The following MALRD1 variants were observed in gnomAD, a reference collection of about 807,000 sequenced individuals.
The protein encoded by MALRD1 is MAM and LDL-receptor class A domain-containing protein 1.
MALRD1 carries 247 observed loss-of-function variants against 242.1 expected under a neutral mutation model. The ratio of observed to expected loss-of-function variants is 1.02; its 90% CI spans 0.92 to 1.13. MALRD1 has a LOEUF of 1.13. MALRD1 is among the 50% of genes most tolerant of loss of function. The pLI, the probability that MALRD1 is intolerant of heterozygous loss-of-function variation, is 0.00. For synonymous variants in MALRD1, 995 were observed against 866.6 expected, an observed-to-expected ratio of 1.15 and a Z score of -2.60; for missense variants, 2,989 against 2,533.1, an observed-to-expected ratio of 1.18 and a Z score of -3.86.
At position 19,609,942 on chromosome 10, in the gene MALRD1, G is replaced by T. The variant is rs183159027; in HGVS notation, c.6070+2040G>T. On this transcript the variant is annotated intron_variant, in intron 35 of 39. Coordinates refer to ENST00000454679, the MANE Select transcript of MALRD1 (RefSeq NM_001142308.3). Reference sequence around the variant, plus strand: ...TATAATACTATACATAATAAATATTGATAATGGTGGTGATTATGATGATGA... The same window carrying T: ...TATAATACTATACATAATAAATATTTATAATGGTGGTGATTATGATGATGA... Among the ~76,000 whole-genome samples, 7 of 151,312 alleles carry T rather than the reference G, an allele frequency of 4.6e-5. No homozygotes were observed. In the East Asian group the frequency reaches 1.4e-3, roughly 29 times the overall value.
chr10:19,596,861 GAGGAAGGA>G (rs993172283), intron 34 of MALRD1, among the ~76,000 whole-genome samples: 1 of 151,282 alleles, frequency 6.6e-6, no homozygotes, highest in Admixed American at 6.6e-5. Context: ...GGACAGAGAG[GAGGAAGGA>G]AGGAAGGAAG....
intron 29 of MALRD1, among the ~76,000 whole-genome samples, chr10:19,454,055 G>A (rs1835483670): frequency 6.6e-6 from 1 of 151,998 alleles, no homozygotes; most frequent in Non-Finnish European, 1.5e-5. Context: ...GTCAGACCCT[G>A]TCTCAAAGAA....
At chr10:19,505,055 A>G (rs1300945347) in intron 31 of MALRD1, among the ~76,000 whole-genome samples, 1 of 152,140 alleles carries the variant, frequency 6.6e-6, no homozygotes, top group African/African-American at 2.4e-5. Context: ...GAAGGAGAAG[A>G]TGAGGGAGGA....
At chr10:19,171,450 A>ACACATG (rs1364921727) in intron 13 of MALRD1, among the ~76,000 whole-genome samples, 6,294 of 94,726 alleles carry the variant, frequency 0.066, 514 homozygotes, top group Non-Finnish European at 0.11. Flanking sequence ...ATATATATAT[A>ACACATG]TATATATACA....
intron 28 of MALRD1, among the ~76,000 whole-genome samples, chr10:19,433,586 T>C (rs2993646): frequency 0.5 from 76,285 of 151,976 alleles, 20,580 homozygotes; most frequent in Non-Finnish European, 0.61. Context: ...CTTTAGGACA[T>C]TGTGAAAAGT....
chr10:19,532,291 G>T (rs192374112), intron 32 of MALRD1, among the ~76,000 whole-genome samples: 5 of 152,204 alleles, frequency 3.3e-5, no homozygotes, highest in Non-Finnish European at 5.9e-5. Flanking sequence ...GTCTTGCTCT[G>T]TCGCCCCGAC....
chr10:19,192,118 G>A (rs745730666), intron 14 of MALRD1, among the ~76,000 whole-genome samples: 2 of 152,148 alleles, frequency 1.3e-5, no homozygotes, highest in Non-Finnish European at 2.9e-5. Context: ...CTTATCCGAG[G>A]TATAGTGAAT....
intron 32 of MALRD1, among the ~76,000 whole-genome samples, chr10:19,543,042 A>G (rs959092140): frequency 1.3e-5 from 2 of 152,100 alleles, no homozygotes; most frequent in Non-Finnish European, 2.9e-5. Flanking sequence ...GGATTCATAT[A>G]AGAAAATAAA....
At chr10:19,643,746 T>C (rs1840515889) in intron 36 of MALRD1, among the ~76,000 whole-genome samples, 1 of 152,162 alleles carries the variant, frequency 6.6e-6, no homozygotes, top group East Asian at 1.9e-4. Context: ...CCTTGAAGCA[T>C]GCATTGCGTT....
intron 28 of MALRD1, among the ~76,000 whole-genome samples, chr10:19,424,907 A>C (rs1833849118): frequency 6.6e-6 from 1 of 152,046 alleles, no homozygotes; most frequent in Admixed American, 6.6e-5. Flanking sequence ...TTTAAAACTG[A>C]ATGTCAAAAG....
chr10:19,121,107 G>A (rs754035234), intron 5 of MALRD1, among the ~76,000 whole-genome samples: 19 of 139,406 alleles, frequency 1.4e-4, no homozygotes, highest in Non-Finnish European at 1.1e-4. Context: ...GCAGTGGTGC[G>A]ATCTCGGCTC....
At chr10:19,650,041 C>G (rs1840799612) in intron 36 of MALRD1, among the ~76,000 whole-genome samples, 1 of 151,918 alleles carries the variant, frequency 6.6e-6, no homozygotes, top group African/African-American at 2.4e-5. Context: ...AAAGTATGAT[C>G]TTAATTTTTA....
chr10:19,361,539 G>T (rs1234987320), intron 26 of MALRD1, among the ~76,000 whole-genome samples: 2 of 152,082 alleles, frequency 1.3e-5, no homozygotes, highest in African/African-American at 4.8e-5. Context: ...CTTAATAAAG[G>T]AACTTACTAT....
intron 26 of MALRD1, among the ~76,000 whole-genome samples, chr10:19,386,660 C>A (rs902185998): frequency 1.3e-5 from 2 of 151,858 alleles, no homozygotes; most frequent in African/African-American, 4.8e-5. Context: ...TAGTAAGGAC[C>A]AGGCACTGTT....
intron 18 of MALRD1, among the ~76,000 whole-genome samples, chr10:19,239,803 G>T (rs1446325676): frequency 1.3e-5 from 2 of 152,004 alleles, no homozygotes; most frequent in African/African-American, 2.4e-5. Flanking sequence ...AAAATCAATT[G>T]ACTTTAGGTA....
intron 31 of MALRD1, among the ~76,000 whole-genome samples, chr10:19,502,498 AT>A (rs1254167598): frequency 1.3e-5 from 2 of 152,166 alleles, no homozygotes; most frequent in African/African-American, 4.8e-5. Flanking sequence ...AAATATCAAA[AT>A]TTATAAAATC....
At chr10:19,363,974 T>A (rs756749416) in intron 26 of MALRD1, among the ~76,000 whole-genome samples, 2 of 151,996 alleles carry the variant, frequency 1.3e-5, no homozygotes, top group Non-Finnish European at 2.9e-5. Flanking sequence ...TAGTGTTTTG[T>A]GAAGGCCCTG....
At chr10:19,309,479 A>G (rs1413496036) in intron 21 of MALRD1, among the ~76,000 whole-genome samples, 1 of 151,456 alleles carries the variant, frequency 6.6e-6, no homozygotes, top group African/African-American at 2.4e-5. Context: ...GTTATGGGCC[A>G]CTATTGTTAA....
At chr10:19,638,587 GTGT>G (rs1354117007) in intron 36 of MALRD1, among the ~76,000 whole-genome samples, 11 of 152,182 alleles carry the variant, frequency 7.2e-5, no homozygotes, top group African/African-American at 1.7e-4. Context: ...TCTAGAAGAA[GTGT>G]TGTTTTTAAG....
Sources: gnomAD v4.1 joint callset for allele counts (sites outside exome capture counted in the v4.1 genomes callset) on GRCh38, gnomAD v4.1.1 for gene constraint, MANE v1.5 for transcripts, NCBI Gene and HGNC (gene_info 2026-07-23, HGNC 2026-07-21) for gene names.